The following ZDHHC11B variants were observed in gnomAD, a reference collection of about 807,000 sequenced individuals.
The protein encoded by ZDHHC11B is zDHHC palmitoyltransferase 11B (putative).
Under a neutral mutation model 42.3 loss-of-function variants are expected in ZDHHC11B, and 17 were observed. That is an observed-to-expected ratio of 0.40 (90% confidence interval 0.27 to 0.60). ZDHHC11B has a LOEUF of 0.60. ZDHHC11B is among the 20% of genes least tolerant of loss of function. The probability of loss-of-function intolerance (pLI) is 0.41; values close to 1 mark genes in which losing one functional copy is unlikely to be tolerated. For missense variants in ZDHHC11B, 262 were observed against 463.2 expected, an observed-to-expected ratio of 0.57 and a Z score of 3.99; for synonymous variants, 123 against 193.5, an observed-to-expected ratio of 0.64 and a Z score of 3.02.
chr5:775,320 C>T (rs1209072298), intron 1 of ZDHHC11B, among the ~76,000 whole-genome samples: 1 of 151,928 alleles, frequency 6.6e-6, no homozygotes, highest in Non-Finnish European at 1.5e-5. Context: ...GGGACAGTTG[C>T]TTGCGCCTCA....
rs1184092467 is a variant in ZDHHC11B, at chr5:776,365, T to A, written c.-229-7435A>T. 9.9e-5 allele frequency among the ~76,000 whole-genome samples: 15 copies of A among 151,860 alleles called. 2 individuals are homozygous for A. Among genetic ancestry groups the A allele is most frequent in the Middle Eastern group, 3.4e-3 (1 of 294 alleles). On this transcript the variant is annotated intron_variant, in intron 1 of 13. Coordinates refer to ENST00000508859, the MANE Select transcript of ZDHHC11B (RefSeq NM_001351303.2). ...TGCTCCATCATGACCTGGACCCAGG[T>A]CGCTGACTGAGGGAGTGGAGGGGAT...
At chr5:759,844 C>T (rs1332351332) in intron 4 of ZDHHC11B, among the ~76,000 whole-genome samples, 2 of 151,884 alleles carry the variant, frequency 1.3e-5, no homozygotes, top group African/African-American at 4.8e-5. Flanking sequence ...CAGAGCCGCC[C>T]GGGTCCCTGC....
At chr5:777,001 GC>G (rs1439508875) in intron 1 of ZDHHC11B, among the ~76,000 whole-genome samples, 1 of 151,888 alleles carries the variant, frequency 6.6e-6, no homozygotes, top group African/African-American at 2.4e-5. Flanking sequence ...TTGAGTCCGT[GC>G]CTTTCCCCCT....
intron 4 of ZDHHC11B, among the ~76,000 whole-genome samples, chr5:760,159 T>C (rs1321583485): frequency 1.3e-5 from 2 of 150,014 alleles, no homozygotes; most frequent in African/African-American, 4.9e-5. Context: ...AAAGGAAGAG[T>C]GGAGAGAAGG....
intron 11 of ZDHHC11B, among the ~76,000 whole-genome samples, chr5:731,038 T>A (rs1405255468): frequency 1.3e-5 from 2 of 151,906 alleles, no homozygotes; most frequent in African/African-American, 4.8e-5. Context: ...GAAAAACACC[T>A]GCTATGTGTG....
intron 10 of ZDHHC11B, among the ~76,000 whole-genome samples, chr5:736,257 A>C (rs1743502807): frequency 6.7e-6 from 1 of 149,960 alleles, no homozygotes; most frequent in South Asian, 2.2e-4. Context: ...AATCACTCCA[A>C]AAGGAAAAAT....
chr5:726,021 T>C (rs1742578994), intron 12 of ZDHHC11B, among the ~76,000 whole-genome samples: 1 of 145,980 alleles, frequency 6.9e-6, no homozygotes, highest in South Asian at 2.2e-4. Context: ...CTGCTCCCTG[T>C]TCCCACTTTC....
chr5:759,860 C>T (rs1734361233), intron 4 of ZDHHC11B, among the ~76,000 whole-genome samples: 1 of 151,894 alleles, frequency 6.6e-6, no homozygotes, highest in Non-Finnish European at 1.5e-5. Context: ...CCTGCAGGTG[C>T]CGGATAGCAC....
intron 1 of ZDHHC11B, among the ~76,000 whole-genome samples, chr5:775,818 G>A (rs1736426550): frequency 6.6e-6 from 1 of 151,590 alleles, no homozygotes. Flanking sequence ...TGGCATCCAG[G>A]GAGCTGTGAA....
At chr5:776,207 A>G (rs1161246603) in intron 1 of ZDHHC11B, among the ~76,000 whole-genome samples, 1 of 151,552 alleles carries the variant, frequency 6.6e-6, no homozygotes. Flanking sequence ...GCCAGACCCC[A>G]CTGCTGGAAC....
intron 1 of ZDHHC11B, among the ~76,000 whole-genome samples, chr5:772,814 G>A (rs1222429810): frequency 5.3e-5 from 8 of 151,842 alleles, no homozygotes; most frequent in Admixed American, 3.3e-4. Flanking sequence ...TGCGTGGGGT[G>A]TGTGCTGAGG....
chr5:728,008 G>A (rs1327474378), intron 12 of ZDHHC11B, among the ~76,000 whole-genome samples: 18 of 150,252 alleles, frequency 1.2e-4, no homozygotes, highest in Admixed American at 2.7e-4. Context: ...AAAGAAATAC[G>A]TTGGAAACAC....
At chr5:769,812 A>C (rs1416053540) in intron 1 of ZDHHC11B, among the ~76,000 whole-genome samples, 1 of 151,906 alleles carries the variant, frequency 6.6e-6, no homozygotes, top group Non-Finnish European at 1.5e-5. Context: ...GTGGGCCAGC[A>C]CTCTGGTCTT....
At position 733,822 on chromosome 5, in the gene ZDHHC11B, G is replaced by C. The variant is rs778525352; in HGVS notation, c.953C>G (p.Ser318Cys). The change falls in exon 11 of 14, where the codon TCC (serine) becomes TGC (cysteine). Residue 318 changes from serine (S) to cysteine (C), a missense_variant. Around this residue, in one of 5 missense-constraint regions of ZDHHC11B, gnomAD observed 75 missense variants for 70.1 expected, o/e 1.07. Transcript: ENST00000508859. Reference protein sequence around the residue: ...SSAQGVKAKSSLLIYKCPCHF... With the variant: ...SSAQGVKAKSCLLIYKCPCHF... ...ACATGGGCATTTGTAAATCAGCAGG[G>C]AGCTCTTGGCCTTGACTCTGGTGGG... 6.2e-7 allele frequency: 1 copy of C among 1,608,336 alleles called. No homozygotes were observed. Among genetic ancestry groups the C allele is most frequent in the Non-Finnish European group, 8.5e-7 (1 of 1,178,962 alleles).
intron 10 of ZDHHC11B, among the ~76,000 whole-genome samples, chr5:737,354 C>T (rs1743646957): frequency 6.7e-6 from 1 of 149,132 alleles, no homozygotes; most frequent in South Asian, 2.2e-4. Flanking sequence ...AGGATGTATT[C>T]ACAGCTGAAT....
At chr5:724,371 A>ATTTTTTTTTT (rs386402805) in intron 12 of ZDHHC11B, among the ~76,000 whole-genome samples, 5 of 81,418 alleles carry the variant, frequency 6.1e-5, no homozygotes, top group Non-Finnish European at 9.2e-5. Context: ...AACCCAGCTA[A>ATTTTTTTTTT]TTTTTTTTTT....
At chr5:749,510 G>C (rs149998041) in intron 7 of ZDHHC11B, among the ~76,000 whole-genome samples, 1 of 129,868 alleles carries the variant, frequency 7.7e-6, no homozygotes, top group South Asian at 3.3e-4. Context: ...TGCCTGGGCC[G>C]GGCTGGACCC....
chr5:776,896 C>T lies in ZDHHC11B; in HGVS notation c.-230+7772G>A, dbSNP rs536039083. 6.1e-4 allele frequency among the ~76,000 whole-genome samples: 93 copies of T among 151,990 alleles called. 2 individuals are homozygous for T. Among genetic ancestry groups the T allele is most frequent in the African/African-American group, 2.1e-3 (88 of 41,442 alleles). On this transcript the variant is annotated intron_variant, in intron 1 of 13. Coordinates refer to ENST00000508859, the MANE Select transcript of ZDHHC11B (RefSeq NM_001351303.2). The stretch of plus-strand genomic sequence containing the variant: ...TCACTATCATCGCACGGCCCTCCTG[C>T]TCCGCGGGACTCTCCCTGTGAACCG...
At chr5:739,102 A>C (rs12651759) in intron 10 of ZDHHC11B, among the ~76,000 whole-genome samples, 19,116 of 146,182 alleles carry the variant, frequency 0.13, 572 homozygotes, top group East Asian at 0.3. Flanking sequence ...TCCGCAAAAA[A>C]AAAACAAATC....
Sources: allele counts gnomAD v4.1 joint callset (sites outside exome capture counted in the v4.1 genomes callset), GRCh38; gene constraint gnomAD v4.1.1; regional missense constraint gnomAD v4.1.1; transcripts MANE v1.5; gene names NCBI Gene and HGNC (gene_info 2026-07-23, HGNC 2026-07-21).